EYS: variants seen among roughly 807,000 people sequenced by gnomAD.
EYS encodes the protein protein eyes shut homolog.
A neutral mutation model predicts 282.1 loss-of-function variants in EYS; 250 were observed. That is an observed-to-expected ratio of 0.89 (90% CI 0.80 to 0.98). The LOEUF (loss-of-function observed/expected upper bound fraction) is 0.98, where lower values mean the gene tolerates loss of function less well. Among genes scored for constraint, EYS ranks in the 50% least tolerant of loss-of-function variants. EYS has a pLI of 0.00. For synonymous variants in EYS, 1,355 were observed against 1,282.9 expected (o/e 1.06, Z -1.20); for missense variants, 4,016 against 3,709.0 (o/e 1.08, Z -2.15).
At chr6:64,668,156 A>G (rs1455195903) in intron 22 of EYS, among the ~76,000 whole-genome samples, 1 of 152,224 alleles carries the variant, frequency 6.6e-6, no homozygotes, top group Non-Finnish European at 1.5e-5. Context: ...TATAGTTAAT[A>G]CAGACAATAA....
intron 26 of EYS, among the ~76,000 whole-genome samples, chr6:64,528,003 A>C (rs1777976811): frequency 6.6e-6 from 1 of 151,686 alleles, no homozygotes; most frequent in African/African-American, 2.4e-5. Context: ...AGTATATCAC[A>C]TATATATGGA....
intron 10 of EYS, 141 bp downstream of exon 10, chr6:65,343,897 T>C: frequency 2.8e-6 from 2 of 711,870 alleles, no homozygotes; most frequent in Non-Finnish European, 4.8e-6. Context: ...AGAATTTGTT[T>C]ACGAAGTTAT....
At chr6:63,828,056 C>G (rs973981937) in intron 36 of EYS, among the ~76,000 whole-genome samples, 4 of 151,980 alleles carry the variant, frequency 2.6e-5, no homozygotes, top group Admixed American at 1.3e-4. Context: ...AATAGTGATA[C>G]AATCTATCAA....
intron 12 of EYS, among the ~76,000 whole-genome samples, chr6:65,291,164 G>A (rs986488299): frequency 5.9e-5 from 9 of 151,472 alleles, no homozygotes; most frequent in African/African-American, 2.2e-4. Flanking sequence ...AGGAAAACAT[G>A]GTTAAAGAGC....
intron 36 of EYS, among the ~76,000 whole-genome samples, chr6:63,807,453 A>T (rs1488373667): frequency 1.3e-5 from 2 of 152,222 alleles, no homozygotes; most frequent in Non-Finnish European, 2.9e-5. Context: ...TACAGCAAAT[A>T]ATTTAGGAAA....
intron 39 of EYS, among the ~76,000 whole-genome samples, chr6:63,780,189 A>G (rs1022805059): frequency 1.1e-4 from 17 of 152,166 alleles, no homozygotes; most frequent in Non-Finnish European, 2.5e-4. Flanking sequence ...GCTATTGTGA[A>G]TAGTGCTGCA....
chr6:65,572,877 T>A lies in EYS; in HGVS notation c.-333+66901A>T, dbSNP rs115984242. 3.5e-3 allele frequency among the ~76,000 whole-genome samples: 531 copies of A among 152,318 alleles called. 2 individuals carry two copies. Among genetic ancestry groups the A allele is most frequent in the African/African-American group, 0.012 (516 of 41,576 alleles). On this transcript the variant is annotated intron_variant, in intron 2 of 42. Transcript: ENST00000503581. ...ACCATGATTAAGCATTTTAAAAATC[T>A]ATTTGCATGCTTTCCATTAAACAAA... is the stretch of plus-strand genomic sequence containing the variant.
intron 37 of EYS, among the ~76,000 whole-genome samples, chr6:63,803,599 A>G (rs1562033859): frequency 4.6e-5 from 7 of 152,200 alleles, no homozygotes. Context: ...AGGACATAGC[A>G]TTTGAACTGA....
At chr6:64,744,992 C>T (rs1384048677) in intron 22 of EYS, among the ~76,000 whole-genome samples, 3 of 152,054 alleles carry the variant, frequency 2.0e-5, no homozygotes, top group Non-Finnish European at 2.9e-5. Flanking sequence ...TCTTACTTCT[C>T]TAAAACTCTC....
intron 1 of EYS, among the ~76,000 whole-genome samples, chr6:65,703,500 T>C (rs371868984): frequency 1.9e-4 from 29 of 152,068 alleles, no homozygotes; most frequent in East Asian, 1.2e-3. Flanking sequence ...TTTGCTAATA[T>C]TACATTTTTA....
intron 14 of EYS, among the ~76,000 whole-genome samples, chr6:64,955,768 T>C (rs1189257423): frequency 2.0e-5 from 3 of 152,182 alleles, no homozygotes; most frequent in South Asian, 4.1e-4. Flanking sequence ...GGAACTTTAC[T>C]CCTCCTATTA....
At chr6:64,948,239 G>A (rs1228676141) in intron 14 of EYS, among the ~76,000 whole-genome samples, 2 of 151,050 alleles carry the variant, frequency 1.3e-5, no homozygotes, top group South Asian at 2.1e-4. Flanking sequence ...AAAGTGCATA[G>A]CAACTAAAAA....
chr6:64,104,345 T>G (rs1772932164), intron 31 of EYS, among the ~76,000 whole-genome samples: 1 of 152,016 alleles, frequency 6.6e-6, no homozygotes. Flanking sequence ...TAGCTGGTAG[T>G]AGGAAGGAGA....
intron 15 of EYS, among the ~76,000 whole-genome samples, chr6:64,920,446 C>T (rs537475076): frequency 2.4e-4 from 36 of 152,070 alleles, no homozygotes; most frequent in Non-Finnish European, 3.8e-4. Flanking sequence ...TGTGTGTAAG[C>T]GGAAAATTGA....
chr6:65,621,312 CTTCT>C (rs1346058649), intron 2 of EYS, among the ~76,000 whole-genome samples: 3 of 151,960 alleles, frequency 2.0e-5, no homozygotes, highest in African/African-American at 4.8e-5. Context: ...ATGTAATGGC[CTTCT>C]TTGTCTCTTT....
chr6:64,871,561 A>G (rs1178878629), intron 19 of EYS, among the ~76,000 whole-genome samples: 1 of 152,000 alleles, frequency 6.6e-6, no homozygotes, highest in Non-Finnish European at 1.5e-5. Flanking sequence ...GCTCTTAGAG[A>G]GGACAACAGA....
chr6:65,603,073 T>C (rs1314265095), intron 2 of EYS, among the ~76,000 whole-genome samples: 2 of 151,982 alleles, frequency 1.3e-5, no homozygotes, highest in African/African-American at 2.4e-5. Flanking sequence ...CTCTAAATAA[T>C]CTTCTTTTCC....
At chr6:65,440,910 A>G (rs9363359) in intron 5 of EYS, among the ~76,000 whole-genome samples, 27,024 of 147,046 alleles carry the variant, frequency 0.18, 3,102 homozygotes, top group Middle Eastern at 0.3. Flanking sequence ...TAATATATAT[A>G]TAAACAGTAT....
At chr6:65,546,021 T>G (rs1213886906) in intron 2 of EYS, among the ~76,000 whole-genome samples, 1 of 150,954 alleles carries the variant, frequency 6.6e-6, no homozygotes, top group Non-Finnish European at 1.5e-5. Context: ...TTAACTTTTT[T>G]TTGTTGTTTT....
Sources: gnomAD v4.1 joint callset for allele counts (sites outside exome capture counted in the v4.1 genomes callset) on GRCh38, gnomAD v4.1.1 for gene constraint, MANE v1.5 for transcripts, NCBI Gene and HGNC (gene_info 2026-07-23, HGNC 2026-07-21) for gene names.